The following PPP6C variants were observed in gnomAD, a reference collection of about 807,000 sequenced individuals.
The protein encoded by PPP6C is serine/threonine-protein phosphatase 6 catalytic subunit.
A neutral mutation model predicts 39.8 loss-of-function variants in PPP6C; 11 were observed. The observed-to-expected ratio is 0.28, with a 90% confidence interval of 0.17 to 0.46. PPP6C has a LOEUF of 0.46. PPP6C is among the 20% of genes least tolerant of loss of function. The pLI is 1.00. For missense variants in PPP6C, 211 were observed against 373.9 expected (o/e 0.56, Z 3.59); for synonymous variants, 129 against 130.3 (o/e 0.99, Z 0.07).
chr9:125,174,510 C>T (rs192593637), intron 1 of PPP6C, among the ~76,000 whole-genome samples: 2 of 151,054 alleles, frequency 1.3e-5, no homozygotes, highest in East Asian at 3.9e-4. Flanking sequence ...GGCCTTGAGT[C>T]CCTGGGTAGC....
intron 2 of PPP6C, among the ~76,000 whole-genome samples, chr9:125,165,502 T>C (rs1828992250): frequency 6.6e-6 from 1 of 152,170 alleles, no homozygotes; most frequent in African/African-American, 2.4e-5. Flanking sequence ...GAGAGGAGAA[T>C]TCACATTGTT....
intron 2 of PPP6C, among the ~76,000 whole-genome samples, chr9:125,162,773 C>T (rs1828914024): frequency 9.6e-6 from 1 of 103,860 alleles, no homozygotes; most frequent in African/African-American, 4.1e-5. Flanking sequence ...AAGACTCCGT[C>T]TCAAAAAAAA....
At chr9:125,185,053 C>T (rs897970331) in intron 1 of PPP6C, among the ~76,000 whole-genome samples, 1 of 150,636 alleles carries the variant, frequency 6.6e-6, no homozygotes, top group Non-Finnish European at 1.5e-5. Context: ...AGTTATAGAA[C>T]CCCTGCTCCC....
intron 2 of PPP6C, among the ~76,000 whole-genome samples, chr9:125,164,966 T>G (rs1367719180): frequency 1.3e-5 from 2 of 151,854 alleles, no homozygotes; most frequent in Non-Finnish European, 2.9e-5. Flanking sequence ...CTTGATCTCT[T>G]GACCTCGTGA....
intron 1 of PPP6C, chr9:125,189,413 G>T: frequency 8.0e-7 from 1 of 1,244,098 alleles, no homozygotes; most frequent in Non-Finnish European, 1.1e-6. Flanking sequence ...GCGACCCTGG[G>T]ACAGAGGCCG....
At chr9:125,160,392 C>T (rs931257838) in intron 3 of PPP6C, among the ~76,000 whole-genome samples, 13 of 152,172 alleles carry the variant, frequency 8.5e-5, no homozygotes, top group Non-Finnish European at 7.4e-5. Context: ...TGGCTGTGTC[C>T]CCACCCAAAT....
chr9:125,163,141 A>G (rs1024478938), intron 2 of PPP6C, among the ~76,000 whole-genome samples: 49 of 152,300 alleles, frequency 3.2e-4, no homozygotes, highest in African/African-American at 1.1e-3. Flanking sequence ...CATGACTAAC[A>G]TAAGTGAATA....
intron 2 of PPP6C, among the ~76,000 whole-genome samples, chr9:125,164,808 G>A (rs899218758): frequency 3.3e-5 from 5 of 151,424 alleles, no homozygotes; most frequent in South Asian, 2.1e-4. Flanking sequence ...GCATGATCTC[G>A]GCTCACTGCA....
rs935452871 is a variant in PPP6C at position 125,186,927 on chromosome 9, G to A, written c.75+2717C>T. Reference sequence around the variant, plus strand: ...CTAAGAGGTACAAAGAAGTCCAACAGATTTTTCTTTCTTTTTTTTTTTTTT... The same window carrying A: ...CTAAGAGGTACAAAGAAGTCCAACAAATTTTTCTTTCTTTTTTTTTTTTTT... On this transcript the variant is annotated intron_variant, in intron 1 of 6. Coordinates refer to ENST00000373547, the MANE Select transcript of PPP6C (RefSeq NM_002721.5). 5.2e-5 allele frequency among the ~76,000 whole-genome samples: 7 copies of A among 134,496 alleles called. 1 individual carries two copies. The highest frequency in any genetic ancestry group is 1.9e-4 in the African/African-American group (7 of 35,938). The allele number at this position is 134,496 out of a possible 152,430, so 88.2% of individuals were successfully genotyped here. A position where few individuals can be genotyped will look rare whatever the true frequency, so the allele number is the denominator to read the frequency against.
At chr9:125,188,982 T>A in intron 1 of PPP6C, 1 of 1,501,938 alleles carries the variant, frequency 6.7e-7, no homozygotes, top group Non-Finnish European at 9.1e-7. Context: ...AAAGTATTTG[T>A]ATTTATTGAG....
intron 2 of PPP6C, among the ~76,000 whole-genome samples, chr9:125,167,706 A>G (rs1483764497): frequency 6.6e-6 from 1 of 151,364 alleles, no homozygotes; most frequent in East Asian, 2.0e-4. Context: ...TCTGTCTCAA[A>G]AAAAAAAAAT....
rs770837975 is a variant in PPP6C, at chr9:125,189,765, A to G, written c.-47T>C. On this transcript the variant is annotated 5_prime_UTR_variant, in exon 1 of 7. Coordinates refer to ENST00000373547, the MANE Select transcript of PPP6C (RefSeq NM_002721.5). ...CAACAGCGGCGGCGGCGGCTGTAGCAGCGGCGGCGGCAGCGGCGGAGGCCG... is the reference window on the plus strand; with the variant it reads ...CAACAGCGGCGGCGGCGGCTGTAGCGGCGGCGGCGGCAGCGGCGGAGGCCG... 2.7e-5 allele frequency: 41 copies of G among 1,545,928 alleles called. No homozygotes were observed. Among genetic ancestry groups the G allele is most frequent in the South Asian group, 5.9e-5 (5 of 85,284 alleles).
At chr9:125,168,010 T>G (rs1202632766) in intron 2 of PPP6C, among the ~76,000 whole-genome samples, 1 of 152,192 alleles carries the variant, frequency 6.6e-6, no homozygotes, top group East Asian at 1.9e-4. Flanking sequence ...AAACTGGCAT[T>G]TTATTTTACT....
chr9:125,174,522 A>G (rs1829252461), intron 1 of PPP6C, among the ~76,000 whole-genome samples: 1 of 151,290 alleles, frequency 6.6e-6, no homozygotes, highest in South Asian at 2.1e-4. Context: ...CTGGGTAGCT[A>G]GCTCCTGTTT....
intron 6 of PPP6C, chr9:125,150,669 A>G: frequency 1.0e-6 from 1 of 967,020 alleles, no homozygotes; most frequent in Non-Finnish European, 1.5e-6. Context: ...CAAAATCTTC[A>G]GCGGCAGCTC....
rs1416596351 is a variant in PPP6C, at chr9:125,185,936, G to A, written c.75+3708C>T. ...GGAGGCAGAGGTTGCAGTGAGCCAA[G>A]CTCACGCCATTGCACTCCACCCTGA... On this transcript the variant is annotated intron_variant, in intron 1 of 6. Coordinates refer to ENST00000373547, the MANE Select transcript of PPP6C (RefSeq NM_002721.5). Among the ~76,000 whole-genome samples, 8 of 152,136 alleles carry A rather than the reference G, an allele frequency of 5.3e-5. No individual in the cohort carries two copies. In the East Asian group the frequency reaches 1.3e-3, roughly 26 times the overall value.
chr9:125,160,337 G>A (rs1448569259), intron 3 of PPP6C, among the ~76,000 whole-genome samples: 1 of 152,092 alleles, frequency 6.6e-6, no homozygotes, highest in East Asian at 1.9e-4. Flanking sequence ...TTAATTAGAG[G>A]ACATAGTTAA....
At chr9:125,169,474 G>A (rs1416906700) in intron 2 of PPP6C, among the ~76,000 whole-genome samples, 2 of 152,176 alleles carry the variant, frequency 1.3e-5, no homozygotes, top group African/African-American at 4.8e-5. Context: ...CTACAACTGG[G>A]GGAAACACTA....
chr9:125,165,906 C>T (rs1220442570), intron 2 of PPP6C, among the ~76,000 whole-genome samples: 1 of 148,544 alleles, frequency 6.7e-6, no homozygotes, highest in Non-Finnish European at 1.5e-5. Flanking sequence ...AAGCAATTCT[C>T]ATGCCTCAGC....
Sources: gnomAD v4.1 joint callset for allele counts (sites outside exome capture counted in the v4.1 genomes callset) on GRCh38, gnomAD v4.1.1 for gene constraint, MANE v1.5 for transcripts, NCBI Gene and HGNC (gene_info 2026-07-23, HGNC 2026-07-21) for gene names.